The following EPHB1 variants were observed in gnomAD, a reference collection of about 807,000 sequenced individuals.
EPHB1 encodes ephrin type-B receptor 1.
In EPHB1, 30 loss-of-function variants were observed where a neutral mutation model predicts 94.4. The observed-to-expected ratio is 0.32, with a 90% CI of 0.24 to 0.43. EPHB1 has a LOEUF of 0.43. Ranked by LOEUF, EPHB1 falls within the 20% of genes least tolerant of loss-of-function variation. The probability of loss-of-function intolerance (pLI) is 1.00; values close to 1 mark genes in which losing one functional copy is unlikely to be tolerated. For synonymous variants in EPHB1, 522 were observed against 489.1 expected, an observed-to-expected ratio of 1.07 and a Z score of -0.89; for missense variants, 1,055 against 1,308.3, an observed-to-expected ratio of 0.81 and a Z score of 2.99.
intron 4 of EPHB1, among the ~76,000 whole-genome samples, chr3:135,128,745 G>C (rs1272801496): frequency 2.0e-5 from 3 of 152,066 alleles, no homozygotes; most frequent in Non-Finnish European, 4.4e-5. Flanking sequence ...TGCCTGTCTT[G>C]GTTTTTCTGC....
chr3:134,841,723 C>G (rs912577043), intron 1 of EPHB1, among the ~76,000 whole-genome samples: 4 of 152,124 alleles, frequency 2.6e-5, no homozygotes, highest in African/African-American at 9.7e-5. Flanking sequence ...CTTAAGGAAA[C>G]GTGTCCTCAG....
intron 3 of EPHB1, among the ~76,000 whole-genome samples, chr3:135,101,108 C>A (rs1367231542): frequency 1.3e-5 from 2 of 152,164 alleles, no homozygotes; most frequent in African/African-American, 2.4e-5. Flanking sequence ...ATGTCCAGCC[C>A]TCCAAGTTAC....
chr3:134,863,846 G>T (rs771304013), intron 1 of EPHB1, among the ~76,000 whole-genome samples: 1 of 152,206 alleles, frequency 6.6e-6, no homozygotes, highest in South Asian at 2.1e-4. Flanking sequence ...TTCCTATGCC[G>T]TAGACTGCTT....
At chr3:135,067,012 G>T (rs1366697630) in intron 3 of EPHB1, among the ~76,000 whole-genome samples, 1 of 152,202 alleles carries the variant, frequency 6.6e-6, no homozygotes, top group African/African-American at 2.4e-5. Flanking sequence ...GTTACTGGGG[G>T]TTGTCTGCAC....
intron 3 of EPHB1, among the ~76,000 whole-genome samples, chr3:134,970,628 T>C (rs1474643554): frequency 1.3e-5 from 2 of 152,030 alleles, no homozygotes; most frequent in African/African-American, 4.8e-5. Context: ...GATCTGCTTG[T>C]TAACTGATGT....
At chr3:135,153,192 C>T (rs988613664) in intron 5 of EPHB1, among the ~76,000 whole-genome samples, 23 of 152,256 alleles carry the variant, frequency 1.5e-4, no homozygotes, top group African/African-American at 4.3e-4. Context: ...CACTCAGCCA[C>T]GGTCCCCAGA....
intron 3 of EPHB1, among the ~76,000 whole-genome samples, chr3:134,998,195 T>C (rs746045884): frequency 6.6e-6 from 1 of 152,220 alleles, no homozygotes; most frequent in Non-Finnish European, 1.5e-5. Flanking sequence ...CATGCACCAC[T>C]TCTGGGTCAT....
intron 3 of EPHB1, among the ~76,000 whole-genome samples, chr3:135,028,662 G>T (rs1576328168): frequency 7.9e-6 from 1 of 126,540 alleles, no homozygotes. Flanking sequence ...GTCAATTTTG[G>T]AATAGGTGTG....
At chr3:135,082,185 G>A (rs140495761) in intron 3 of EPHB1, among the ~76,000 whole-genome samples, 39 of 152,274 alleles carry the variant, frequency 2.6e-4, no homozygotes, top group African/African-American at 8.7e-4. Flanking sequence ...GGGCACCACG[G>A]ACAGACATGA....
At chr3:134,889,861 G>A (rs1236873380) in intron 1 of EPHB1, among the ~76,000 whole-genome samples, 4 of 150,886 alleles carry the variant, frequency 2.7e-5, no homozygotes, top group South Asian at 4.2e-4. Context: ...TGTATTTTTA[G>A]TAGAGACAGG....
At chr3:134,807,325 G>A (rs1250495778) in intron 1 of EPHB1, among the ~76,000 whole-genome samples, 1 of 152,200 alleles carries the variant, frequency 6.6e-6, no homozygotes, top group African/African-American at 2.4e-5. Context: ...CTTTCCTTCA[G>A]GGAGCTCACT....
chr3:134,806,015 G>A (rs2036036301), intron 1 of EPHB1, among the ~76,000 whole-genome samples: 1 of 152,116 alleles, frequency 6.6e-6, no homozygotes, highest in South Asian at 2.1e-4. Flanking sequence ...CCAGCACATG[G>A]CACATAGGAG....
chr3:134,804,069 C>CTTTT (rs1560240142), intron 1 of EPHB1, among the ~76,000 whole-genome samples: 1 of 51,810 alleles, frequency 1.9e-5, no homozygotes. Flanking sequence ...TCATTATTGG[C>CTTTT]TATTTTTTTT....
chr3:135,180,696 A>G (rs1942130891), intron 10 of EPHB1, among the ~76,000 whole-genome samples: 1 of 152,200 alleles, frequency 6.6e-6, no homozygotes, highest in South Asian at 2.1e-4. Context: ...TCTTCCTTTA[A>G]TGGGTTAGTA....
chr3:135,034,083 C>T (rs10935153), intron 3 of EPHB1, among the ~76,000 whole-genome samples: 6 of 151,850 alleles, frequency 4.0e-5, no homozygotes, highest in Non-Finnish European at 5.9e-5. Flanking sequence ...AAGAAAAACA[C>T]GGTTAGCAAC....
chr3:134,810,497 C>G (rs2036150694), intron 1 of EPHB1, among the ~76,000 whole-genome samples: 1 of 152,158 alleles, frequency 6.6e-6, no homozygotes, highest in Non-Finnish European at 1.5e-5. Flanking sequence ...AACGCTCATT[C>G]TACAGGAGGA....
In EPHB1 at chr3:134,844,878, T is replaced by C. The variant is rs757959332; in HGVS notation, c.58+49189T>C. On this transcript the variant is annotated intron_variant, in intron 1 of 15. Transcript: ENST00000398015. ...GCTCTAGCCACAAGTCTCTACCAGT[T>C]TGCATGTGTTTTGATGTGACGGACT... is the stretch of plus-strand genomic sequence containing the variant. 4.6e-5 allele frequency among the ~76,000 whole-genome samples: 7 copies of C among 152,188 alleles called. No homozygotes were observed. In the East Asian group the frequency reaches 1.3e-3, roughly 29 times the overall value.
intron 12 of EPHB1, among the ~76,000 whole-genome samples, chr3:135,232,929 A>C (rs2107724870): frequency 6.6e-6 from 1 of 152,336 alleles, no homozygotes; most frequent in African/African-American, 2.4e-5. Context: ...GTACAGTAGA[A>C]CAGAAGGGTA....
chr3:135,091,493 G>A (rs1938549428), intron 3 of EPHB1, among the ~76,000 whole-genome samples: 1 of 152,222 alleles, frequency 6.6e-6, no homozygotes, highest in Admixed American at 6.5e-5. Context: ...GATTAGCAAT[G>A]TCTGCCACGG....
Sources: allele counts gnomAD v4.1 joint callset (sites outside exome capture counted in the v4.1 genomes callset), GRCh38; gene constraint gnomAD v4.1.1; transcripts MANE v1.5; gene names NCBI Gene and HGNC (gene_info 2026-07-23, HGNC 2026-07-21).